Variants in TRIM52 observed in about 807,000 individuals in gnomAD.
TRIM52 encodes tripartite motif containing 52.
Under a neutral mutation model 27.0 loss-of-function variants are expected in TRIM52, and 24 were observed. The ratio of observed to expected loss-of-function variants is 0.89; its 90% CI spans 0.64 to 1.25. The LOEUF is 1.25. Among genes scored for constraint, TRIM52 ranks in the 50% most tolerant of loss-of-function variants. The pLI is 0.00. For synonymous variants in TRIM52, 125 were observed against 126.5 expected (o/e 0.99, Z 0.08); for missense variants, 351 against 354.7 (o/e 0.99, Z 0.08).
chr5:181,254,301 G>C (rs1759700807), downstream of TRIM52: 1 of 135,422 alleles, frequency 7.4e-6, no homozygotes, highest in Non-Finnish European at 1.5e-5. Context: ...CAGAGAGAGA[G>C]AGAGAGAAAG....
intron 1 of TRIM52, 40 bp downstream of exon 1, chr5:181,259,961 C>T: frequency 6.2e-7 from 1 of 1,612,440 alleles, no homozygotes. Flanking sequence ...AGTTACCTTT[C>T]CACTCCCTTC....
chr5:181,254,608 CTCGTGA>C (rs1759709498), downstream of TRIM52: 1 of 152,168 alleles, frequency 6.6e-6, no homozygotes, highest in South Asian at 2.1e-4. Context: ...ATCTCCTGAC[CTCGTGA>C]TCCACCCGCC....
At chr5:181,254,986 C>G (rs1162664065), downstream of TRIM52, 2 of 152,126 alleles carry the variant, frequency 1.3e-5, no homozygotes, top group Non-Finnish European at 2.9e-5. Flanking sequence ...ACAGCTGAAC[C>G]TAATAGGGAA....
chr5:181,257,084 A>C, intron 1 of TRIM52: 1 of 1,018,566 alleles, frequency 9.8e-7, no homozygotes, highest in South Asian at 4.4e-5. Context: ...ATCTTTGTTC[A>C]TTTTCTTTTT....
rs377363845 is a variant in TRIM52, at chr5:181,260,239, C to T, written c.575G>A (p.Arg192His). The change falls in exon 1 of 2, where the codon CGT becomes CAT. Residue 192 changes from arginine to histidine, a missense_variant. Coordinates refer to ENST00000688015, the MANE Select transcript of TRIM52 (RefSeq NM_001346048.2). This position sits in a 1 kb window ranked among gnomAD's most constrained non-coding sequence, Gnocchi z 4.4. ...CTGCAAGTTGGGACGAAAGCTGCGA[C>T]GTGTAAAGCTCTTTCGGCACTGGGG... ...TCPQCRKSFTRRSFRPNLQLA... is the reference protein window; with the variant it reads ...TCPQCRKSFTHRSFRPNLQLA... 1 of 1,614,184 alleles carries T rather than the reference C, an allele frequency of 6.2e-7. No individual in the cohort carries two copies. The highest frequency in any genetic ancestry group is 8.5e-7 in the Non-Finnish European group (1 of 1,180,034).
chr5:181,251,357 G>A (rs1759630180), downstream of TRIM52, among the ~76,000 whole-genome samples: 1 of 152,018 alleles, frequency 6.6e-6, no homozygotes, highest in African/African-American at 2.4e-5. Context: ...TCAGCAGGGG[G>A]AATCGCTATA....
downstream of TRIM52, among the ~76,000 whole-genome samples, chr5:181,253,883 G>A (rs577203092): frequency 2.1e-5 from 3 of 143,146 alleles, no homozygotes; most frequent in South Asian, 2.2e-4. Context: ...GAAGGCTGAC[G>A]TGGGAGCATC....
downstream of TRIM52, among the ~76,000 whole-genome samples, chr5:181,252,903 G>A (rs949652518): frequency 6.6e-6 from 1 of 152,156 alleles, no homozygotes; most frequent in Non-Finnish European, 1.5e-5. Context: ...ATCTGTCACG[G>A]TTCTTGTTCT....
rs750943334 is a variant in TRIM52 at position 181,260,259 on chromosome 5, C to T, written c.555G>A (p.Gln185=). Residue 185 remains glutamine, a synonymous_variant, in exon 1 of 2, where the codon CAG becomes CAA. Coordinates refer to ENST00000688015, the MANE Select transcript of TRIM52 (RefSeq NM_001346048.2). This position sits in a 1 kb window ranked among gnomAD's most constrained non-coding sequence, Gnocchi z 4.4. ...LPLPGQFTCP[Q]CRKSFTRRSF... ...TGCGACGTGTAAAGCTCTTTCGGCA[C>T]TGGGGGCAGGTGAACTGCCCTGGAA... 2 of 1,614,188 alleles carry T rather than the reference C, an allele frequency of 1.2e-6. No individual in the cohort carries two copies. Among genetic ancestry groups the T allele is most frequent in the Admixed American group, 1.7e-5 (1 of 60,026 alleles).
At chr5:181,259,721 G>A (rs1410830291) in intron 1 of TRIM52, 1 of 551,482 alleles carries the variant, frequency 1.8e-6, no homozygotes, top group African/African-American at 1.9e-5. Flanking sequence ...CTTACACTTA[G>A]GTAGACTGCC....
chr5:181,260,827 G>A lies in TRIM52; in HGVS notation c.-14C>T, dbSNP rs111806597. 68 of 1,570,464 alleles carry A rather than the reference G, an allele frequency of 4.3e-5. No individual in the cohort carries two copies. In the African/African-American group the frequency reaches 5.6e-4, roughly 13 times the overall value. On this transcript the variant is annotated 5_prime_UTR_variant, in exon 1 of 2. Coordinates refer to ENST00000688015, the MANE Select transcript of TRIM52 (RefSeq NM_001346048.2). This position sits in a 1 kb window ranked among gnomAD's most constrained non-coding sequence, Gnocchi z 4.4. The stretch of plus-strand genomic sequence containing the variant: ...ATAACCAGCCATCTTAATGCCCGCC[G>A]GCAGGTGTAGATACGTCAGCTTGGA...
chr5:181,252,892 T>G (rs79917144), downstream of TRIM52, among the ~76,000 whole-genome samples: 1,363 of 152,300 alleles, frequency 8.9e-3, 23 homozygotes, highest in African/African-American at 0.031. Context: ...GTAAACTGTT[T>G]ATCTGTCACG....
chr5:181,257,705 G>C (rs1228247655), intron 1 of TRIM52: 1 of 336,840 alleles, frequency 3.0e-6, no homozygotes, highest in African/African-American at 2.1e-5. Flanking sequence ...AAGAATGAAA[G>C]AGACACCCAG....
Position 181,260,545 on chromosome 5 carries a change from T to A in TRIM52, c.269A>T (p.Asn90Ile), listed in dbSNP as rs1292625485. Residue 90 changes from asparagine to isoleucine, a missense_variant, in exon 1 of 2, where the codon AAT becomes ATT. Coordinates refer to ENST00000688015, the MANE Select transcript of TRIM52 (RefSeq NM_001346048.2). This position sits in a 1 kb window ranked among gnomAD's most constrained non-coding sequence, Gnocchi z 4.4. Reference protein sequence around the residue: ...GSIREVLYRGNADEELFQDQD... With the variant: ...GSIREVLYRGIADEELFQDQD... ...GTCTTGGAACAACTCTTCGTCAGCA[T>A]TCCCCCGATACAACACCTCTCGAAT... The A allele has an allele frequency of 6.2e-7, 1 of 1,613,846 alleles. No homozygotes were observed. The highest frequency in any genetic ancestry group is 2.2e-5 in the East Asian group (1 of 44,862).
At chr5:181,252,673 T>C (rs1362786776), downstream of TRIM52, among the ~76,000 whole-genome samples, 1 of 152,214 alleles carries the variant, frequency 6.6e-6, no homozygotes, top group Non-Finnish European at 1.5e-5. Flanking sequence ...AGGCATGGCA[T>C]AGAGGCCAGG....
intron 1 of TRIM52, 189 bp downstream of exon 1, chr5:181,259,812 T>C: frequency 7.5e-7 from 1 of 1,333,032 alleles, no homozygotes; most frequent in Non-Finnish European, 1.0e-6. Flanking sequence ...TCTGCCCCAA[T>C]CTTCATGGTT....
rs761599053 is a variant in TRIM52 at position 181,260,216 on chromosome 5, G to C, written c.598C>G (p.Gln200Glu). The C allele has an allele frequency of 6.2e-7, 1 of 1,614,262 alleles. No individual in the cohort carries two copies. The highest frequency in any genetic ancestry group is 2.2e-5 in the East Asian group (1 of 44,888). The change falls in exon 1 of 2, where the codon CAG becomes GAG. Residue 200 changes from glutamine to glutamate, a missense_variant. Coordinates refer to ENST00000688015, the MANE Select transcript of TRIM52 (RefSeq NM_001346048.2). This position sits in a 1 kb window ranked among gnomAD's most constrained non-coding sequence, Gnocchi z 4.4. ...FTRRSFRPNL[Q>E]LANMVQIIRQ... ...ATTATCTGGACCATGTTGGCCAGCTGCAAGTTGGGACGAAAGCTGCGACGT... is the reference window on the plus strand; with the variant it reads ...ATTATCTGGACCATGTTGGCCAGCTCCAAGTTGGGACGAAAGCTGCGACGT...
chr5:181,257,577 T>G, intron 1 of TRIM52: 1 of 1,142,348 alleles, frequency 8.8e-7, no homozygotes, highest in South Asian at 1.7e-5. Flanking sequence ...TAAACCATTA[T>G]ACAAAAATAG....
At chr5:181,253,122 T>G (rs112954703), downstream of TRIM52, among the ~76,000 whole-genome samples, 7 of 115,104 alleles carry the variant, frequency 6.1e-5, 1 homozygote, top group African/African-American at 2.5e-4. Context: ...TGCAACCTCC[T>G]CCTCCCAGGT....
Sources: gnomAD v4.1 joint callset for allele counts (sites outside exome capture counted in the v4.1 genomes callset) on GRCh38, gnomAD v4.1.1 for gene constraint, Gnocchi (gnomAD v3.1) non-coding constraint, MANE v1.5 for transcripts, NCBI Gene and HGNC (gene_info 2026-07-23, HGNC 2026-07-21) for gene names.